The following GLP1R variants were observed in gnomAD, a reference collection of about 807,000 sequenced individuals.
The protein encoded by GLP1R is glucagon-like peptide 1 receptor.
In GLP1R, 32 loss-of-function variants were observed where a neutral mutation model predicts 68.4. The ratio of observed to expected loss-of-function variants is 0.47; its 90% confidence interval spans 0.35 to 0.63. GLP1R has a LOEUF of 0.63. Among genes scored for constraint, GLP1R ranks in the 20% least tolerant of loss-of-function variants. The pLI, the probability that GLP1R is intolerant of heterozygous loss-of-function variation, is 0.00. For missense variants in GLP1R, 502 were observed against 594.9 expected (o/e 0.84, Z 1.62); for synonymous variants, 263 against 244.4 (o/e 1.08, Z -0.71).
intron 12 of GLP1R, among the ~76,000 whole-genome samples, chr6:39,080,985 A>G (rs909397270): frequency 6.6e-6 from 1 of 152,062 alleles, no homozygotes; most frequent in Non-Finnish European, 1.5e-5. Flanking sequence ...ACCCTAAGGA[A>G]GACCCAGACT....
At chr6:39,071,230 C>G (rs1032861787) in intron 5 of GLP1R, among the ~76,000 whole-genome samples, 6 of 151,466 alleles carry the variant, frequency 4.0e-5, no homozygotes, top group African/African-American at 1.2e-4. Flanking sequence ...CCTGTAATCC[C>G]AGCTACTCAG....
Position 39,088,788 on chromosome 6 carries a change from G to A in GLP1R, c.*2715G>A, listed in dbSNP as rs563129368. ...CGTGCCTCATGCTGTAGACCACATC[G>A]TTGGAGCTCTGGGAGAGCTCTGAGC... is the stretch of plus-strand genomic sequence containing the variant. On this transcript the variant is annotated 3_prime_UTR_variant, in exon 13 of 13. Transcript: ENST00000373256. Among the ~76,000 whole-genome samples, 8 of 152,220 alleles carry A rather than the reference G, an allele frequency of 5.3e-5. No homozygotes were observed. The South Asian group carries it at 6.2e-4, about 12-fold the overall frequency.
intron 6 of GLP1R, among the ~76,000 whole-genome samples, chr6:39,073,345 C>T (rs1462658156): frequency 4.6e-5 from 7 of 152,230 alleles, no homozygotes. Flanking sequence ...AGGCAAGTCA[C>T]TTACTTCTCT....
intron 6 of GLP1R, 105 bp downstream of exon 6, chr6:39,073,120 A>G: frequency 1.8e-6 from 2 of 1,090,764 alleles, no homozygotes; most frequent in Admixed American, 2.3e-5. Flanking sequence ...AGAGCCGAAC[A>G]GTCCTGGCCC....
Position 39,048,880 on chromosome 6 carries a change from C to A in GLP1R, c.40C>A (p.Leu14Met). 6.7e-7 allele frequency: 1 copy of A among 1,497,872 alleles called. No individual in the cohort carries two copies. The highest frequency in any genetic ancestry group is 1.5e-5 in the African/African-American group (1 of 68,726). 92.8% of individuals were successfully genotyped at this position (1,497,872 alleles called of 1,614,324 possible). Residue 14 changes from leucine to methionine, a missense_variant, in exon 1 of 13, where the codon CTG becomes ATG. Leu to Met is a conservative substitution (Grantham distance 15). Transcript: ENST00000373256. ...APGPLRLALL[L>M]LGMVGRAGPR... ...CGGCCCGCTGCGCCTTGCGCTGCTG[C>A]TGCTCGGGATGGTGGGCAGGGCCGG...
Position 39,089,953 on chromosome 6 carries a change from C to T in GLP1R, c.*3880C>T, listed in dbSNP as rs117424338. On this transcript the variant is annotated 3_prime_UTR_variant, in exon 13 of 13. Coordinates refer to ENST00000373256, the MANE Select transcript of GLP1R (RefSeq NM_002062.5). The surrounding 1 kb of genome is among the most constrained non-coding windows in gnomAD (Gnocchi z 4.1). ...TTCTCAAATAAAATACAGAGGCTTA[C>T]TCTGCAAAGACACCTGTGTGAATGA... Among the ~76,000 whole-genome samples the T allele has an allele frequency of 2.9e-3, 448 of 152,334 alleles. 17 individuals are homozygous for T. In the East Asian group the frequency reaches 0.063, roughly 22 times the overall value.
chr6:39,083,037 C>T (rs1253655814), intron 12 of GLP1R, among the ~76,000 whole-genome samples: 1 of 152,166 alleles, frequency 6.6e-6, no homozygotes, highest in South Asian at 2.1e-4. Context: ...TCATGCACCA[C>T]CTATGGCTGG....
intron 3 of GLP1R, among the ~76,000 whole-genome samples, chr6:39,064,360 C>G (rs1460111673): frequency 2.0e-5 from 3 of 152,186 alleles, no homozygotes; most frequent in Non-Finnish European, 4.4e-5. Flanking sequence ...CCACTGCCCC[C>G]AGTGGGCCTC....
In GLP1R at chr6:39,049,088, T is replaced by G. The variant is rs1334710099; in HGVS notation, c.78+170T>G. On this transcript the variant is annotated intron_variant, in intron 1 of 12. Transcript: ENST00000373256. The surrounding 1 kb of genome is among the most constrained non-coding windows in gnomAD (Gnocchi z 4.5). Reference sequence around the variant, plus strand: ...GACTGGAGACTTGGTGCCCCTGGGCTGGAAGGCCCAGGTGAGGGCTTGGAC... The same window carrying G: ...GACTGGAGACTTGGTGCCCCTGGGCGGGAAGGCCCAGGTGAGGGCTTGGAC... Among the ~76,000 whole-genome samples the G allele has an allele frequency of 6.6e-6, 1 of 152,150 alleles. No homozygotes were observed. Among genetic ancestry groups the G allele is most frequent in the Non-Finnish European group, 1.5e-5 (1 of 68,004 alleles).
chr6:39,084,120 G>A (rs1240634825), intron 12 of GLP1R, among the ~76,000 whole-genome samples: 1 of 152,108 alleles, frequency 6.6e-6, no homozygotes, highest in Non-Finnish European at 1.5e-5. Flanking sequence ...CAGGGGTTAG[G>A]AGCCGGGCAT....
Position 39,086,162 on chromosome 6 carries a change from A to T in GLP1R, c.*89A>T. ...AGACACTCCCAGGGACAAGGGAAGG[A>T]AGGGACACACACACACACACACACA... is the stretch of plus-strand genomic sequence containing the variant. On this transcript the variant is annotated 3_prime_UTR_variant, in exon 13 of 13. Transcript: ENST00000373256. This position sits in a 1 kb window ranked among gnomAD's most constrained non-coding sequence, Gnocchi z 4.5. The T allele has an allele frequency of 2.7e-6, 2 of 731,852 alleles. No homozygotes were observed. The highest frequency in any genetic ancestry group is 2.2e-6 in the Non-Finnish European group (1 of 453,720). 45.3% of individuals were successfully genotyped at this position (731,852 alleles called of 1,614,324 possible).
chr6:39,081,899 G>A (rs1000411593), intron 12 of GLP1R, among the ~76,000 whole-genome samples: 10 of 152,210 alleles, frequency 6.6e-5, no homozygotes, highest in African/African-American at 2.4e-4. Context: ...TGAAAAAGGT[G>A]CGAAAGGGGA....
At chr6:39,069,192 T>C (rs1768593491) in intron 5 of GLP1R, among the ~76,000 whole-genome samples, 1 of 152,246 alleles carries the variant, frequency 6.6e-6, no homozygotes, top group African/African-American at 2.4e-5. Flanking sequence ...AGCCAAGTTA[T>C]TTGCCACTTT....
At chr6:39,064,706 T>G (rs565185505) in intron 3 of GLP1R, among the ~76,000 whole-genome samples, 21 of 152,306 alleles carry the variant, frequency 1.4e-4, no homozygotes, top group Non-Finnish European at 5.9e-5. Flanking sequence ...ATCTCCCTGG[T>G]AGGTGGACAT....
intron 1 of GLP1R, among the ~76,000 whole-genome samples, chr6:39,052,805 T>G (rs1371295558): frequency 6.6e-6 from 1 of 152,216 alleles, no homozygotes; most frequent in Non-Finnish European, 1.5e-5. Flanking sequence ...ACGGCAGAAC[T>G]GGCAACTGAT....
rs980960036 is a variant in GLP1R at position 39,086,808 on chromosome 6, C to A, written c.*735C>A. 1 of 152,614 alleles carries A rather than the reference C, an allele frequency of 6.6e-6. No individual in the cohort carries two copies. Among genetic ancestry groups the A allele is most frequent in the African/African-American group, 2.4e-5 (1 of 41,430 alleles). The allele number at this position is 152,614 out of a possible 1,614,324, so 9.5% of individuals were successfully genotyped here. A position where few individuals can be genotyped will look rare whatever the true frequency, so the allele number is the denominator to read the frequency against. On this transcript the variant is annotated 3_prime_UTR_variant, in exon 13 of 13. Coordinates refer to ENST00000373256, the MANE Select transcript of GLP1R (RefSeq NM_002062.5). This position sits in a 1 kb window ranked among gnomAD's most constrained non-coding sequence, Gnocchi z 4.5. ...CCTGCCTCTGCCATGCCCAGAGAAT[C>A]AGGGCAGGCTTGCCACCGGGGAACC...
At chr6:39,071,825 G>C (rs568384261) in intron 5 of GLP1R, among the ~76,000 whole-genome samples, 1 of 152,246 alleles carries the variant, frequency 6.6e-6, no homozygotes, top group African/African-American at 2.4e-5. Context: ...TTAAAAATAA[G>C]GTAGAATTTT....
chr6:39,056,269 C>T, intron 1 of GLP1R, 128 bp from the exon 2 acceptor site: 5 of 578,636 alleles, frequency 8.6e-6, no homozygotes, highest in Non-Finnish European at 1.6e-5. Flanking sequence ...TCAGAGGTGG[C>T]TGATGCCTGG....
At chr6:39,062,603 C>A (rs1768379862) in intron 3 of GLP1R, among the ~76,000 whole-genome samples, 1 of 152,210 alleles carries the variant, frequency 6.6e-6, no homozygotes, top group South Asian at 2.1e-4. Flanking sequence ...GGGGTCCACA[C>A]TGGCAAGGGG....
Sources: gnomAD v4.1 joint callset for allele counts (sites outside exome capture counted in the v4.1 genomes callset) on GRCh38, gnomAD v4.1.1 for gene constraint, Gnocchi (gnomAD v3.1) non-coding constraint, MANE v1.5 for transcripts, NCBI Gene and HGNC (gene_info 2026-07-23, HGNC 2026-07-21) for gene names.